POU2AF1: variants seen among roughly 807,000 people sequenced by gnomAD.
POU2AF1 encodes POU domain class 2-associating factor 1.
A neutral mutation model predicts 26.3 loss-of-function variants in POU2AF1; 12 were observed. The ratio of observed to expected loss-of-function variants is 0.46; its 90% CI spans 0.29 to 0.74. The LOEUF is 0.74. Ranked by LOEUF, POU2AF1 falls within the 30% of genes least tolerant of loss-of-function variation. The probability of loss-of-function intolerance (pLI) is 0.09; values close to 1 mark genes in which losing one functional copy is unlikely to be tolerated. For synonymous variants in POU2AF1, 175 were observed against 148.0 expected (o/e 1.18, Z -1.32); for missense variants, 297 against 334.5 (o/e 0.89, Z 0.87).
At chr11:111,356,339 G>C (rs1468814476) in intron 4 of POU2AF1, among the ~76,000 whole-genome samples, 3 of 152,180 alleles carry the variant, frequency 2.0e-5, no homozygotes, top group Non-Finnish European at 4.4e-5. Context: ...TGGTTTGCTG[G>C]GTAGGCAGGT....
intron 1 of POU2AF1, chr11:111,359,284 G>A: frequency 3.8e-6 from 1 of 260,788 alleles, no homozygotes; most frequent in Non-Finnish European, 7.3e-6. Context: ...CCTCATCTGT[G>A]GTTGAGGTTT....
intron 1 of POU2AF1, among the ~76,000 whole-genome samples, chr11:111,375,353 T>G (rs1438192106): frequency 6.6e-6 from 1 of 151,492 alleles, no homozygotes; most frequent in Non-Finnish European, 1.5e-5. Context: ...TATTTCCCAT[T>G]GGTGTTGGCA....
At position 111,353,072 on chromosome 11, in the gene POU2AF1, A is replaced by C. The variant is rs1860767271; in HGVS notation, c.*1189T>G. Reference sequence around the variant, plus strand: ...AAGGAAGGAAAGAAACAAAACCCACATGGTAGCACTAAGCCTAGGCGAGGA... The same window carrying C: ...AAGGAAGGAAAGAAACAAAACCCACCTGGTAGCACTAAGCCTAGGCGAGGA... On this transcript the variant is annotated 3_prime_UTR_variant, in exon 5 of 5. Coordinates refer to ENST00000393067, the MANE Select transcript of POU2AF1 (RefSeq NM_006235.3). The C allele has an allele frequency of 4.5e-6, 1 of 220,184 alleles. No homozygotes were observed. The highest frequency in any genetic ancestry group is 9.1e-6 in the Non-Finnish European group (1 of 110,158). 13.6% of individuals were successfully genotyped at this position (220,184 alleles called of 1,614,324 possible).
Position 111,353,041 on chromosome 11 carries a change from G to C in POU2AF1, c.*1220C>G. The stretch of plus-strand genomic sequence containing the variant: ...AGGAAGGAAGGAAGGAAGGAAGGAA[G>C]GAAGGAAGGAAGGAAAGAAACAAAA... On this transcript the variant is annotated 3_prime_UTR_variant, in exon 5 of 5. Transcript: ENST00000393067. 1 of 167,494 alleles carries C rather than the reference G, an allele frequency of 6.0e-6. No individual in the cohort carries two copies. Among genetic ancestry groups the C allele is most frequent in the Admixed American group, 7.3e-5 (1 of 13,642 alleles). The allele number at this position is 167,494 out of a possible 1,614,324, so 10.4% of individuals were successfully genotyped here.
At chr11:111,371,466 C>T (rs998189714) in intron 1 of POU2AF1, among the ~76,000 whole-genome samples, 1 of 152,044 alleles carries the variant, frequency 6.6e-6, no homozygotes, top group Non-Finnish European at 1.5e-5. Context: ...CAAGTCTTGC[C>T]GCCACCCTAC....
intron 1 of POU2AF1, chr11:111,363,059 G>T: frequency 2.3e-6 from 2 of 857,060 alleles, no homozygotes; most frequent in South Asian, 5.4e-5. Flanking sequence ...AAGAGCGCTT[G>T]GTGGAGGTGC....
chr11:111,374,005 G>A (rs950313991), intron 1 of POU2AF1, among the ~76,000 whole-genome samples: 4 of 151,922 alleles, frequency 2.6e-5, no homozygotes, highest in African/African-American at 9.7e-5. Flanking sequence ...TTAGAAAGAT[G>A]TCAAAGGGGG....
intron 4 of POU2AF1, among the ~76,000 whole-genome samples, chr11:111,356,378 C>T (rs928507339): frequency 1.1e-4 from 17 of 152,146 alleles, no homozygotes; most frequent in African/African-American, 4.1e-4. Flanking sequence ...CTTCTGCAGG[C>T]CTTTCATAGA....
chr11:111,358,332 ACACTCT>A (rs1291733706), intron 2 of POU2AF1, among the ~76,000 whole-genome samples: 786 of 49,766 alleles, frequency 0.016, 12 homozygotes, highest in African/African-American at 0.033. Context: ...ACTCTCTCAC[ACACTCT>A]CACACTCTCA....
intron 1 of POU2AF1, among the ~76,000 whole-genome samples, chr11:111,362,770 G>A (rs932304967): frequency 6.6e-6 from 1 of 152,078 alleles, no homozygotes; most frequent in Non-Finnish European, 1.5e-5. Flanking sequence ...TACTTGGGGG[G>A]GTCTGAGCAC....
In POU2AF1 at chr11:111,352,428, A is replaced by C. The variant is rs1665384741; in HGVS notation, c.*1833T>G. The C allele has an allele frequency of 5.3e-6, 1 of 187,076 alleles. No homozygotes were observed. Among genetic ancestry groups the C allele is most frequent in the Non-Finnish European group, 1.1e-5 (1 of 88,618 alleles). The allele number at this position is 187,076 out of a possible 1,614,324, so 11.6% of individuals were successfully genotyped here. ...TAGCAGGTGGGTGAGCCAGTTCCCA[A>C]GGTACACGTTCACTATCAAGAGCTA... On this transcript the variant is annotated 3_prime_UTR_variant, in exon 5 of 5. Transcript: ENST00000393067.
At chr11:111,361,966 A>G (rs557335144) in intron 1 of POU2AF1, among the ~76,000 whole-genome samples, 52 of 152,240 alleles carry the variant, frequency 3.4e-4, no homozygotes, top group South Asian at 1.7e-3. Context: ...TCTAAATGAC[A>G]TGGTTTTAGT....
chr11:111,358,829 G>T lies in POU2AF1; in HGVS notation c.106C>A (p.Arg36=). Residue 36 remains arginine (R), a synonymous_variant, in exon 2 of 5, where the codon CGA becomes AGA. Transcript: ENST00000393067. The stretch of plus-strand genomic sequence containing the variant: ...GCTGCCCCACTGCTGGCGTGGCCTC[G>T]CTTCCTCCTCAGCAGTTCCTTCACT... The part of the protein sequence containing the change: ...EPVKELLRRK[R]GHASSGAAPA... The T allele has an allele frequency of 6.2e-7, 1 of 1,607,780 alleles. No individual in the cohort carries two copies.
At chr11:111,375,677 G>T (rs947072690) in intron 1 of POU2AF1, among the ~76,000 whole-genome samples, 2 of 152,142 alleles carry the variant, frequency 1.3e-5, no homozygotes, top group African/African-American at 4.8e-5. Context: ...GGGATTACAG[G>T]CGCCCGCCAC....
intron 2 of POU2AF1, 137 bp downstream of exon 2, chr11:111,358,651 C>T (rs1357306188): frequency 9.0e-7 from 1 of 1,113,998 alleles, no homozygotes; most frequent in African/African-American, 1.6e-5. Flanking sequence ...ATCACACTCT[C>T]ACACACTCTA....
rs147022386 is a variant in POU2AF1 at position 111,354,268 on chromosome 11, C to T, written c.764G>A (p.Gly255Asp). Residue 255 changes from glycine to aspartate, a missense_variant, in exon 5 of 5, where the codon GGC becomes GAC. By Grantham distance (94) the Gly-to-Asp change is moderately conservative. Coordinates refer to ENST00000393067, the MANE Select transcript of POU2AF1 (RefSeq NM_006235.3). ...CTCAGGTGGGAGCCACGCCTAAAAG[C>T]CTTCCACAGAGAGAGTGTGGTTAAG... is the stretch of plus-strand genomic sequence containing the variant. ...YALNHTLSVE[G>D]F The T allele has an allele frequency of 1.9e-6, 3 of 1,613,988 alleles. No homozygotes were observed. The highest frequency in any genetic ancestry group is 2.7e-5 in the African/African-American group (2 of 74,950).
At chr11:111,369,200 A>G (rs1861162531) in intron 1 of POU2AF1, among the ~76,000 whole-genome samples, 2 of 152,206 alleles carry the variant, frequency 1.3e-5, no homozygotes, top group Non-Finnish European at 2.9e-5. Flanking sequence ...GCAATCCTAG[A>G]CAGGAGACGC....
chr11:111,356,140 C>T (rs1465212225), intron 4 of POU2AF1, among the ~76,000 whole-genome samples: 1 of 152,154 alleles, frequency 6.6e-6, no homozygotes. Context: ...TATACAGAAC[C>T]TTTCAAAGCA....
In POU2AF1 at chr11:111,373,418, G is replaced by C. The variant is rs116508558; in HGVS notation, c.16+5744C>G. Among the ~76,000 whole-genome samples the C allele has an allele frequency of 6.3e-3, 959 of 152,290 alleles. 13 individuals carry two copies. The highest frequency in any genetic ancestry group is 0.021 in the African/African-American group (888 of 41,556). On this transcript the variant is annotated intron_variant, in intron 1 of 4. Transcript: ENST00000393067. Reference sequence around the variant, plus strand: ...TCAGAAGCTCTAGGTTGAGATCCAGGCATCTGTGTTTCTTAAATCTCCTCA... The same window carrying C: ...TCAGAAGCTCTAGGTTGAGATCCAGCCATCTGTGTTTCTTAAATCTCCTCA...
Sources: allele counts gnomAD v4.1 joint callset (sites outside exome capture counted in the v4.1 genomes callset), GRCh38; gene constraint gnomAD v4.1.1; transcripts MANE v1.5; gene names NCBI Gene and HGNC (gene_info 2026-07-23, HGNC 2026-07-21).